The following EFL1 variants were observed in gnomAD, a reference collection of about 807,000 sequenced individuals.
The protein encoded by EFL1 is elongation factor like GTPase 1.
In EFL1, 76 loss-of-function variants were observed where a neutral mutation model predicts 126.7. The observed-to-expected ratio is 0.60, with a 90% CI of 0.50 to 0.73. EFL1 has a LOEUF of 0.73. Among genes scored for constraint, EFL1 ranks in the 30% least tolerant of loss-of-function variants. EFL1 has a pLI of 0.00. For missense variants in EFL1, 1,128 were observed against 1,343.2 expected, an observed-to-expected ratio of 0.84 and a Z score of 2.50; for synonymous variants, 410 against 448.4, an observed-to-expected ratio of 0.91 and a Z score of 1.08.
At chr15:82,227,043 G>C (rs8030210) in intron 11 of EFL1, among the ~76,000 whole-genome samples, 1 of 152,020 alleles carries the variant, frequency 6.6e-6, no homozygotes, top group Admixed American at 6.5e-5. Context: ...TTAATGAACC[G>C]AAAGTCAATA....
At chr15:82,149,455 G>GT (rs1182226599) in intron 18 of EFL1, among the ~76,000 whole-genome samples, 2 of 152,120 alleles carry the variant, frequency 1.3e-5, no homozygotes, top group South Asian at 4.1e-4. Context: ...ATGAGAAGAC[G>GT]TAATTGTTAA....
intron 19 of EFL1, among the ~76,000 whole-genome samples, chr15:82,132,697 T>TGGGA (rs2073670288): frequency 3.8e-5 from 1 of 26,426 alleles, no homozygotes; most frequent in African/African-American, 1.5e-4. Flanking sequence ...GGGGGGGGGG[T>TGGGA]AGGCAGAGTG....
In EFL1 at chr15:82,227,567, C is replaced by T. The variant is rs2074777876; in HGVS notation, c.1075G>A (p.Val359Met). ...LPISHAVLAM[V>M]CQKLPSPLDI... is the part of the protein sequence containing the mutation. Reference sequence around the variant, plus strand: ...AGGGGACTAGGAAGTTTCTGACACACCATAGCTGAAGTCTATTGTTAAGGA... The same window carrying T: ...AGGGGACTAGGAAGTTTCTGACACATCATAGCTGAAGTCTATTGTTAAGGA... Residue 359 changes from valine to methionine, a missense_variant, in exon 11 of 20, where the codon GTG (valine) becomes ATG (methionine). Val to Met is a conservative substitution (Grantham distance 21). This residue lies in a region of EFL1 where 316 missense variants were observed against 318.5 expected (regional missense o/e 0.99). Coordinates refer to ENST00000268206, the MANE Select transcript of EFL1 (RefSeq NM_024580.6). 1 of 1,614,136 alleles carries T rather than the reference C, an allele frequency of 6.2e-7. No homozygotes were observed. Among genetic ancestry groups the T allele is most frequent in the African/African-American group, 1.3e-5 (1 of 75,040 alleles).
chr15:82,251,433 G>C (rs1357398233), intron 4 of EFL1, among the ~76,000 whole-genome samples: 1 of 152,124 alleles, frequency 6.6e-6, no homozygotes, highest in Non-Finnish European at 1.5e-5. Context: ...ACTCAAGGGA[G>C]GGGGACTAGA....
At chr15:82,204,597 C>A (rs1192184715) in intron 15 of EFL1, among the ~76,000 whole-genome samples, 3 of 152,194 alleles carry the variant, frequency 2.0e-5, no homozygotes, top group Non-Finnish European at 4.4e-5. Context: ...TCCTAACCTG[C>A]ATGAAACCAT....
intron 18 of EFL1, among the ~76,000 whole-genome samples, chr15:82,147,395 C>T (rs745383197): frequency 2.6e-5 from 4 of 151,614 alleles, no homozygotes; most frequent in South Asian, 2.1e-4. Flanking sequence ...TTTGGGAGGC[C>T]GAGGCGGGCG....
intron 19 of EFL1, among the ~76,000 whole-genome samples, chr15:82,132,162 A>C (rs1277493381): frequency 6.6e-6 from 1 of 152,198 alleles, no homozygotes; most frequent in African/African-American, 2.4e-5. Context: ...GGGAGGTGTG[A>C]GCCACAACTG....
chr15:82,225,059 T>C (rs1384456712), intron 12 of EFL1, 106 bp downstream of exon 12: 2 of 725,264 alleles, frequency 2.8e-6, no homozygotes, highest in Non-Finnish European at 4.4e-6. Context: ...AATTCTGGGT[T>C]GAGGAGGAAA....
At chr15:82,180,742 A>G (rs1474623903) in intron 15 of EFL1, among the ~76,000 whole-genome samples, 2 of 151,680 alleles carry the variant, frequency 1.3e-5, no homozygotes, top group Admixed American at 6.6e-5. Flanking sequence ...TATACGGGTA[A>G]TTTTTCTTTC....
At chr15:82,200,964 C>T (rs1354343639) in intron 15 of EFL1, among the ~76,000 whole-genome samples, 1 of 152,186 alleles carries the variant, frequency 6.6e-6, no homozygotes, top group Non-Finnish European at 1.5e-5. Flanking sequence ...CTCACTGTAG[C>T]TCCAACCTCT....
At chr15:82,176,513 T>C (rs1263718482) in intron 15 of EFL1, among the ~76,000 whole-genome samples, 1 of 152,124 alleles carries the variant, frequency 6.6e-6, no homozygotes, top group African/African-American at 2.4e-5. Flanking sequence ...AATCTATAAG[T>C]GGGTAAAGAC....
At chr15:82,233,958 T>C (rs2074847707) in intron 7 of EFL1, among the ~76,000 whole-genome samples, 1 of 152,318 alleles carries the variant, frequency 6.6e-6, no homozygotes, top group East Asian at 1.9e-4. Context: ...AATTCACATA[T>C]CAACTTGTTG....
intron 15 of EFL1, among the ~76,000 whole-genome samples, chr15:82,169,600 CT>C (rs1172780251): frequency 6.6e-6 from 1 of 152,016 alleles, no homozygotes; most frequent in Non-Finnish European, 1.5e-5. Flanking sequence ...CATATTAGTT[CT>C]TTATGTAATA....
intron 4 of EFL1, among the ~76,000 whole-genome samples, chr15:82,244,290 C>G (rs749730551): frequency 1.4e-4 from 22 of 152,022 alleles, no homozygotes; most frequent in Non-Finnish European, 3.1e-4. Context: ...ACCACTTTTG[C>G]GTGTGTGTGA....
chr15:82,178,499 A>T (rs537566679), intron 15 of EFL1, among the ~76,000 whole-genome samples: 4 of 152,286 alleles, frequency 2.6e-5, no homozygotes, highest in African/African-American at 9.6e-5. Flanking sequence ...TTAGAGGGAA[A>T]AAGGCATTGT....
chr15:82,244,579 A>T (rs1343578828), intron 4 of EFL1, among the ~76,000 whole-genome samples: 1 of 152,170 alleles, frequency 6.6e-6, no homozygotes, highest in Non-Finnish European at 1.5e-5. Flanking sequence ...AGATCTAATC[A>T]GTCAAGCAAC....
At chr15:82,204,906 T>C (rs1473935905) in intron 15 of EFL1, among the ~76,000 whole-genome samples, 1 of 152,224 alleles carries the variant, frequency 6.6e-6, no homozygotes, top group Non-Finnish European at 1.5e-5. Flanking sequence ...CTGCAGTCTA[T>C]TCATTATTAT....
intron 4 of EFL1, among the ~76,000 whole-genome samples, chr15:82,250,580 G>C (rs2075012052): frequency 6.6e-6 from 1 of 150,672 alleles, no homozygotes; most frequent in Admixed American, 6.6e-5. Flanking sequence ...TCAGGGCAAG[G>C]TGAATGTACA....
At chr15:82,165,475 T>G (rs1362080898) in intron 15 of EFL1, among the ~76,000 whole-genome samples, 1 of 152,146 alleles carries the variant, frequency 6.6e-6, no homozygotes, top group Non-Finnish European at 1.5e-5. Flanking sequence ...GTACACAAAC[T>G]TGGAGGATAA....
Sources: gnomAD v4.1 joint callset for allele counts (sites outside exome capture counted in the v4.1 genomes callset) on GRCh38, gnomAD v4.1.1 for gene constraint, gnomAD v4.1.1 regional missense constraint, MANE v1.5 for transcripts, NCBI Gene and HGNC (gene_info 2026-07-23, HGNC 2026-07-21) for gene names.